Variants in ATF7 observed in about 807,000 individuals in gnomAD.
ATF7 encodes activating transcription factor 7.
A neutral mutation model predicts 50.4 loss-of-function variants in ATF7; 10 were observed. The ratio of observed to expected loss-of-function variants is 0.20; its 90% CI spans 0.12 to 0.34. The LOEUF (loss-of-function observed/expected upper bound fraction) is 0.34. ATF7 is among the 10% of genes least tolerant of loss of function. The pLI, the probability that ATF7 is intolerant of heterozygous loss-of-function variation, is 1.00. For missense variants in ATF7, 465 were observed against 613.9 expected (o/e 0.76, Z 2.56); for synonymous variants, 201 against 226.4 (o/e 0.89, Z 1.01).
intron 11 of ATF7, among the ~76,000 whole-genome samples, chr12:53,518,378 TA>T (rs1937860731): frequency 6.6e-6 from 1 of 152,256 alleles, no homozygotes; most frequent in African/African-American, 2.4e-5. Context: ...CCACTCCACC[TA>T]AAGTGACACT....
intron 1 of ATF7, among the ~76,000 whole-genome samples, chr12:53,619,482 G>A (rs1420594067): frequency 5.5e-5 from 7 of 126,692 alleles, no homozygotes; most frequent in Non-Finnish European, 1.1e-4. Context: ...GCGAGACTCC[G>A]TGTCAAAAAA....
At chr12:53,602,495 C>T (rs148032266) in intron 1 of ATF7, among the ~76,000 whole-genome samples, 4 of 152,044 alleles carry the variant, frequency 2.6e-5, no homozygotes, top group Non-Finnish European at 4.4e-5. Flanking sequence ...CACAACTAAT[C>T]GGTGTTTAAA....
chr12:53,620,304 C>A (rs967747166), intron 1 of ATF7, among the ~76,000 whole-genome samples: 2 of 151,880 alleles, frequency 1.3e-5, no homozygotes, highest in Admixed American at 1.3e-4. Context: ...AGGCCGGGCG[C>A]GGTGGCTCAC....
chr12:53,528,287 A>G (rs1015381940), intron 9 of ATF7, among the ~76,000 whole-genome samples: 12 of 152,208 alleles, frequency 7.9e-5, no homozygotes, highest in Non-Finnish European at 1.5e-4. Context: ...TCTCCTGAGA[A>G]TTTCGGCTTC....
At chr12:53,610,288 G>A (rs1943807417) in intron 1 of ATF7, among the ~76,000 whole-genome samples, 1 of 152,018 alleles carries the variant, frequency 6.6e-6, no homozygotes, top group African/African-American at 2.4e-5. Context: ...AAATGGGCCA[G>A]GTGCAGTGGC....
intron 11 of ATF7, among the ~76,000 whole-genome samples, chr12:53,518,573 TCA>T (rs1290373938): frequency 6.6e-6 from 1 of 152,216 alleles, no homozygotes; most frequent in African/African-American, 2.4e-5. Flanking sequence ...TCCTCCTGCT[TCA>T]GACTCCCAAA....
chr12:53,586,159 G>C (rs1378239464), intron 2 of ATF7, among the ~76,000 whole-genome samples: 1 of 152,166 alleles, frequency 6.6e-6, no homozygotes, highest in African/African-American at 2.4e-5. Flanking sequence ...TAGAAGGAAA[G>C]AACAGGAAAG....
At chr12:53,521,365 T>A (rs1938117073) in intron 11 of ATF7, among the ~76,000 whole-genome samples, 1 of 152,164 alleles carries the variant, frequency 6.6e-6, no homozygotes, top group South Asian at 2.1e-4. Context: ...ATCCTCACCA[T>A]GACTGATGAG....
At chr12:53,541,505 C>T (rs1296385158) in intron 4 of ATF7, among the ~76,000 whole-genome samples, 1 of 152,096 alleles carries the variant, frequency 6.6e-6, no homozygotes, top group African/African-American at 2.4e-5. Flanking sequence ...AACTATCTTC[C>T]TTTGACTCTG....
intron 4 of ATF7, among the ~76,000 whole-genome samples, chr12:53,538,778 G>A (rs558398678): frequency 6.6e-6 from 1 of 152,276 alleles, no homozygotes; most frequent in South Asian, 2.1e-4. Flanking sequence ...ATAGCTAGCT[G>A]AGTAAATTAA....
intron 4 of ATF7, among the ~76,000 whole-genome samples, chr12:53,541,984 G>C (rs1256590863): frequency 1.3e-5 from 2 of 152,050 alleles, no homozygotes; most frequent in Non-Finnish European, 2.9e-5. Context: ...GCCACGCCTG[G>C]CTAAGTTTTG....
rs1408131220 is a variant in ATF7 at position 53,513,036 on chromosome 12, C to A, written c.*4101G>T. On this transcript the variant is annotated 3_prime_UTR_variant, in exon 12 of 12. Coordinates refer to ENST00000420353, the MANE Select transcript of ATF7 (RefSeq NM_006856.3). ...AAGTCAGTGAAACTATTGCTCATAGCCACTTCTTACAGCTAAAACATCACT... is the reference window on the plus strand; with the variant it reads ...AAGTCAGTGAAACTATTGCTCATAGACACTTCTTACAGCTAAAACATCACT... 2 of 152,098 alleles carry A rather than the reference C, an allele frequency of 1.3e-5. No individual in the cohort carries two copies. Among genetic ancestry groups the A allele is most frequent in the East Asian group, 3.9e-4 (2 of 5,186 alleles). 9.4% of individuals were successfully genotyped at this position (152,098 alleles called of 1,614,324 possible).
Position 53,577,413 on chromosome 12 carries a change from G to A in ATF7, c.48+23540C>T, listed in dbSNP as rs115729302. Among the ~76,000 whole-genome samples the A allele has an allele frequency of 8.4e-3, 1,268 of 151,310 alleles. 13 individuals are homozygous for A. The highest frequency in any genetic ancestry group is 0.029 in the African/African-American group (1,204 of 41,032). The stretch of plus-strand genomic sequence containing the variant: ...CAAAAGGTATAATATGTGCATAATA[G>A]GAGAAAGAAAGAAACACACACGGCC... On this transcript the variant is annotated intron_variant, in intron 2 of 11. Coordinates refer to ENST00000420353, the MANE Select transcript of ATF7 (RefSeq NM_006856.3).
chr12:53,605,327 T>C (rs990486831), intron 1 of ATF7, among the ~76,000 whole-genome samples: 3 of 145,504 alleles, frequency 2.1e-5, no homozygotes, highest in African/African-American at 7.7e-5. Context: ...AGGCAGAGTT[T>C]GCAGTGAGCT....
chr12:53,519,032 C>T (rs1242247437), intron 11 of ATF7, among the ~76,000 whole-genome samples: 2 of 140,030 alleles, frequency 1.4e-5, no homozygotes, highest in Non-Finnish European at 3.1e-5. Context: ...CCAGCCTGGG[C>T]AACAGAGCGA....
Position 53,529,302 on chromosome 12 carries a change from C to T in ATF7, c.927+2442G>A, listed in dbSNP as rs192760041. 5.8e-3 allele frequency among the ~76,000 whole-genome samples: 876 copies of T among 151,984 alleles called. 4 individuals carry two copies. The highest frequency in any genetic ancestry group is 0.02 in the African/African-American group (829 of 41,416). ...GCAACCTCCGCCTCCCGGGTTCAAG[C>T]GATTCTCATGCCTCGGCCTCCTGAG... On this transcript the variant is annotated intron_variant, in intron 9 of 11. Coordinates refer to ENST00000420353, the MANE Select transcript of ATF7 (RefSeq NM_006856.3).
intron 7 of ATF7, 119 bp from the exon 8 acceptor site, chr12:53,532,742 A>G: frequency 1.4e-6 from 1 of 696,194 alleles, no homozygotes; most frequent in Non-Finnish European, 2.4e-6. Context: ...GTTGTGTGCA[A>G]TGTGCCCATA....
intron 9 of ATF7, among the ~76,000 whole-genome samples, chr12:53,528,577 A>G (rs1356524446): frequency 6.6e-6 from 1 of 152,130 alleles, no homozygotes; most frequent in African/African-American, 2.4e-5. Flanking sequence ...AGCCTGGCCA[A>G]CATGGTGAAA....
Position 53,584,504 on chromosome 12 carries a change from C to T in ATF7, c.48+16449G>A, listed in dbSNP as rs115978627. On this transcript the variant is annotated intron_variant, in intron 2 of 11. Coordinates refer to ENST00000420353, the MANE Select transcript of ATF7 (RefSeq NM_006856.3). ...TAGTCTTACCATAAACATAGTATTACCATATGATCCAGTGATCACACTCAT... is the reference window on the plus strand; with the variant it reads ...TAGTCTTACCATAAACATAGTATTATCATATGATCCAGTGATCACACTCAT... Among the ~76,000 whole-genome samples the T allele has an allele frequency of 8.3e-3, 1,263 of 152,290 alleles. 13 individuals are homozygous for T. Among genetic ancestry groups the T allele is most frequent in the African/African-American group, 0.029 (1,199 of 41,548 alleles).
Sources: gnomAD v4.1 joint callset for allele counts (sites outside exome capture counted in the v4.1 genomes callset) on GRCh38, gnomAD v4.1.1 for gene constraint, MANE v1.5 for transcripts, NCBI Gene and HGNC (gene_info 2026-07-23, HGNC 2026-07-21) for gene names.